The following TAX1BP1 variants were observed in gnomAD, a reference collection of about 807,000 sequenced individuals.
TAX1BP1 encodes tax1-binding protein 1.
Under a neutral mutation model 97.7 loss-of-function variants are expected in TAX1BP1, and 62 were observed. The observed-to-expected ratio is 0.63, with a 90% CI of 0.52 to 0.78. TAX1BP1 has a LOEUF of 0.78. TAX1BP1 is among the 30% of genes least tolerant of loss of function. The probability of loss-of-function intolerance (pLI) is 0.00; values close to 1 mark genes in which losing one functional copy is unlikely to be tolerated. For synonymous variants in TAX1BP1, 340 were observed against 304.2 expected (o/e 1.12, Z -1.23); for missense variants, 867 against 916.1 (o/e 0.95, Z 0.69).
intron 2 of TAX1BP1, among the ~76,000 whole-genome samples, chr7:27,757,238 A>G (rs1182378494): frequency 6.6e-6 from 1 of 152,142 alleles, no homozygotes; most frequent in Non-Finnish European, 1.5e-5. Context: ...CCAATTTTCA[A>G]TATTTAACAT....
intron 5 of TAX1BP1, among the ~76,000 whole-genome samples, chr7:27,770,682 A>G (rs546819570): frequency 6.6e-6 from 1 of 152,144 alleles, no homozygotes; most frequent in African/African-American, 2.4e-5. Flanking sequence ...AAACATTTGT[A>G]TACTCCAGTG....
chr7:27,757,091 G>A (rs17155787), intron 2 of TAX1BP1, among the ~76,000 whole-genome samples: 6,237 of 152,142 alleles, frequency 0.041, 393 homozygotes, highest in African/African-American at 0.14. Context: ...ACTAAGGTTC[G>A]TCCAGCTTCA....
intron 13 of TAX1BP1, among the ~76,000 whole-genome samples, chr7:27,814,096 T>C (rs761147975): frequency 1.7e-4 from 16 of 94,662 alleles, no homozygotes; most frequent in Non-Finnish European, 3.2e-4. Context: ...GCACTTGGCC[T>C]TTTTTTTTTT....
At chr7:27,785,128 G>C (rs1789424255) in intron 5 of TAX1BP1, 35 bp from the exon 6 acceptor site, 1 of 1,569,218 alleles carries the variant, frequency 6.4e-7, no homozygotes, top group South Asian at 1.2e-5. Context: ...TTATGTTTCT[G>C]TGTTTTCTCA....
At chr7:27,741,611 C>T (rs537462517) in intron 1 of TAX1BP1, among the ~76,000 whole-genome samples, 1 of 152,040 alleles carries the variant, frequency 6.6e-6, no homozygotes, top group Non-Finnish European at 1.5e-5. Flanking sequence ...AGCGATTCTC[C>T]TGCCTCAGCC....
chr7:27,765,455 C>T (rs552656961), intron 3 of TAX1BP1, among the ~76,000 whole-genome samples: 1 of 152,232 alleles, frequency 6.6e-6, no homozygotes, highest in South Asian at 2.1e-4. Flanking sequence ...GGGAAGATTT[C>T]TCTAAATGAC....
chr7:27,810,063 A>G (rs180946654), intron 13 of TAX1BP1, among the ~76,000 whole-genome samples: 23 of 152,024 alleles, frequency 1.5e-4, no homozygotes, highest in African/African-American at 5.5e-4. Context: ...GTGTGCCACC[A>G]CGCCTGGCTA....
At chr7:27,757,571 C>T (rs983575370) in intron 2 of TAX1BP1, among the ~76,000 whole-genome samples, 1 of 152,024 alleles carries the variant, frequency 6.6e-6, no homozygotes, top group South Asian at 2.1e-4. Context: ...TAATGCATGT[C>T]TAATATTTTA....
chr7:27,758,024 C>T lies in TAX1BP1; in HGVS notation c.163-7C>T, dbSNP rs1206887521. 4 of 1,593,332 alleles carry T rather than the reference C, an allele frequency of 2.5e-6. No individual in the cohort carries two copies. Among genetic ancestry groups the T allele is most frequent in the Non-Finnish European group, 3.4e-6 (4 of 1,169,282 alleles). On this transcript the variant is annotated splice_polypyrimidine_tract_variant and splice_region_variant and intron_variant, in intron 2 of 16. Coordinates refer to ENST00000396319, the MANE Select transcript of TAX1BP1 (RefSeq NM_006024.7). ...ATAAATCCGCCTTTTTTGTTATTTC[C>T]CTTTAGGTTGGATGGAGTACTGCTC...
chr7:27,781,558 A>G (rs1196174994), intron 5 of TAX1BP1, among the ~76,000 whole-genome samples: 1 of 152,200 alleles, frequency 6.6e-6, no homozygotes, highest in Non-Finnish European at 1.5e-5. Flanking sequence ...TTATACCTGT[A>G]TAGGGCATTT....
intron 15 of TAX1BP1, among the ~76,000 whole-genome samples, chr7:27,819,587 C>CAGAT (rs1790898984): frequency 6.6e-6 from 1 of 152,142 alleles, no homozygotes; most frequent in Admixed American, 6.5e-5. Flanking sequence ...ATGACAAATG[C>CAGAT]AGATGCTCCT....
Position 27,785,259 on chromosome 7 carries a change from G to T in TAX1BP1, c.709G>T (p.Asp237Tyr), listed in dbSNP as rs756438020. ...ATSKAHQLEEDIVSVTHKAIE... is the reference protein window; with the variant it reads ...ATSKAHQLEEYIVSVTHKAIE... ...ATCCAAAGCCCATCAGCTTGAGGAA[G>T]ATATTGTGTCAGTAACACATAAAGC... Residue 237 changes from aspartate to tyrosine, a missense_variant, in exon 6 of 17, where the codon GAT (aspartate) becomes TAT (tyrosine). Physicochemically the swap from Asp to Tyr is radical, Grantham distance 160. Around this residue, in one of 3 missense-constraint regions of TAX1BP1, gnomAD observed 822 missense variants for 851.4 expected, o/e 0.97. Transcript: ENST00000396319. The T allele has an allele frequency of 6.2e-7, 1 of 1,613,370 alleles. No individual in the cohort carries two copies. Among genetic ancestry groups the T allele is most frequent in the Non-Finnish European group, 8.5e-7 (1 of 1,179,626 alleles).
Position 27,827,755 on chromosome 7 carries a change from T to C in TAX1BP1, c.2103T>C (p.Pro701=). The part of the protein sequence containing the change: ...SEDSKEDENV[P]TAPDPPSQHL... ...TCCCCTAGGAAGATGAGAATGTGCC[T>C]ACTGCTCCTGATCCTCCAAGTCAAC... Residue 701 remains proline (P), a synonymous_variant, in exon 16 of 17, where the codon CCT becomes CCC. Transcript: ENST00000396319. The C allele has an allele frequency of 1.2e-6, 2 of 1,613,796 alleles. No individual in the cohort carries two copies. The highest frequency in any genetic ancestry group is 1.7e-6 in the Non-Finnish European group (2 of 1,179,764).
At chr7:27,796,496 A>G (rs529947810) in intron 12 of TAX1BP1, among the ~76,000 whole-genome samples, 10 of 152,246 alleles carry the variant, frequency 6.6e-5, no homozygotes, top group Non-Finnish European at 2.9e-5. Flanking sequence ...TTGAGGTTAG[A>G]AATTATCTGT....
chr7:27,812,838 A>G (rs1218893201), intron 13 of TAX1BP1, among the ~76,000 whole-genome samples: 1 of 152,130 alleles, frequency 6.6e-6, no homozygotes, highest in Admixed American at 6.6e-5. Context: ...ATTGATTTTT[A>G]TCAAGGGTCA....
At chr7:27,755,727 A>C (rs2128308689) in intron 2 of TAX1BP1, among the ~76,000 whole-genome samples, 1 of 152,332 alleles carries the variant, frequency 6.6e-6, no homozygotes, top group East Asian at 1.9e-4. Flanking sequence ...TTCAAACTAA[A>C]GTATGTGACA....
At chr7:27,814,610 G>A (rs1203355208) in intron 13 of TAX1BP1, among the ~76,000 whole-genome samples, 1 of 151,918 alleles carries the variant, frequency 6.6e-6, no homozygotes, top group Non-Finnish European at 1.5e-5. Context: ...TTTATCTATT[G>A]ATTTTACTCT....
At chr7:27,767,872 T>A (rs558896102) in intron 4 of TAX1BP1, among the ~76,000 whole-genome samples, 4 of 152,260 alleles carry the variant, frequency 2.6e-5, no homozygotes, top group South Asian at 4.1e-4. Context: ...AATGTTTTTT[T>A]AACAAATATT....
chr7:27,813,729 A>C (rs1790649842), intron 13 of TAX1BP1, among the ~76,000 whole-genome samples: 1 of 152,186 alleles, frequency 6.6e-6, no homozygotes, highest in African/African-American at 2.4e-5. Flanking sequence ...CAAGTGCCAC[A>C]TTGTGAAAAT....
Sources: gnomAD v4.1 joint callset for allele counts (sites outside exome capture counted in the v4.1 genomes callset) on GRCh38, gnomAD v4.1.1 for gene constraint, gnomAD v4.1.1 regional missense constraint, MANE v1.5 for transcripts, NCBI Gene and HGNC (gene_info 2026-07-23, HGNC 2026-07-21) for gene names.